The following ANGPT1 variants were observed in gnomAD, a reference collection of about 807,000 sequenced individuals.
ANGPT1 encodes angiopoietin 1.
Under a neutral mutation model 62.2 loss-of-function variants are expected in ANGPT1, and 17 were observed. The observed-to-expected ratio is 0.27, with a 90% confidence interval of 0.19 to 0.41. The LOEUF (loss-of-function observed/expected upper bound fraction) is 0.41. ANGPT1 is among the 10% of genes least tolerant of loss of function. The pLI is 1.00. For missense variants in ANGPT1, 478 were observed against 594.9 expected (o/e 0.80, Z 2.04); for synonymous variants, 199 against 198.9 (o/e 1.00, Z 0.00).
rs115101185 is a variant in ANGPT1, at chr8:107,493,196, G to A, written c.297+4066C>T. On this transcript the variant is annotated intron_variant, in intron 1 of 8. Coordinates refer to ENST00000517746, the MANE Select transcript of ANGPT1 (RefSeq NM_001146.5). The stretch of plus-strand genomic sequence containing the variant: ...TTCAGAGGTATAAAAATGGATAAGC[G>A]ACATTTACTACACTTGAGGAACTCA... Among the ~76,000 whole-genome samples, 940 of 150,356 alleles carry A rather than the reference G, an allele frequency of 6.3e-3. 55 individuals are homozygous for A. The highest frequency in any genetic ancestry group is 0.022 in the African/African-American group (893 of 40,874).
At chr8:107,342,470 G>T (rs1171889608) in intron 2 of ANGPT1, among the ~76,000 whole-genome samples, 1 of 152,094 alleles carries the variant, frequency 6.6e-6, no homozygotes, top group African/African-American at 2.4e-5. Flanking sequence ...GGCTTGGTGG[G>T]CCAAATGGTC....
chr8:107,303,475 C>T lies in ANGPT1; in HGVS notation c.809-108G>A, dbSNP rs1814643651. ...GTCTTCATTTCCTCCACACAAATGT[C>T]AATATCGCACATAGTAAAAAGTCAA... is the stretch of plus-strand genomic sequence containing the variant. On this transcript the variant is annotated intron_variant, in intron 4 of 8. Transcript: ENST00000517746. 4 of 876,374 alleles carry T rather than the reference C, an allele frequency of 4.6e-6. No individual in the cohort carries two copies. In the African/African-American group the frequency reaches 7.0e-5, roughly 15 times the overall value. 54.3% of individuals were successfully genotyped at this position (876,374 alleles called of 1,614,324 possible). A position where few individuals can be genotyped will look rare whatever the true frequency, so the allele number is the denominator to read the frequency against.
intron 1 of ANGPT1, among the ~76,000 whole-genome samples, chr8:107,372,904 C>A (rs1317082450): frequency 2.0e-5 from 3 of 151,756 alleles, no homozygotes; most frequent in Admixed American, 2.0e-4. Flanking sequence ...AGGTAAGGCT[C>A]AATTTCTCTG....
intron 1 of ANGPT1, among the ~76,000 whole-genome samples, chr8:107,463,374 C>T (rs1020703563): frequency 6.6e-6 from 1 of 152,082 alleles, no homozygotes; most frequent in African/African-American, 2.4e-5. Flanking sequence ...TGCCCAAATT[C>T]CTGAACCACA....
intron 3 of ANGPT1, among the ~76,000 whole-genome samples, chr8:107,335,326 C>T (rs1197633824): frequency 3.3e-5 from 5 of 152,198 alleles, no homozygotes; most frequent in African/African-American, 9.7e-5. Flanking sequence ...CTATCAATAC[C>T]ATGGTCTTCA....
At chr8:107,382,077 C>T (rs766838770) in intron 1 of ANGPT1, among the ~76,000 whole-genome samples, 2 of 152,098 alleles carry the variant, frequency 1.3e-5, no homozygotes, top group Admixed American at 6.6e-5. Flanking sequence ...TCTGAATTAA[C>T]CCAAACAATA....
intron 7 of ANGPT1, among the ~76,000 whole-genome samples, chr8:107,278,684 C>A (rs1482888044): frequency 6.6e-6 from 1 of 152,208 alleles, no homozygotes; most frequent in Non-Finnish European, 1.5e-5. Flanking sequence ...AGATGCCTGA[C>A]AGTTTCTACA....
chr8:107,264,458 T>C, intron 7 of ANGPT1, 107 bp from the exon 8 acceptor site: 2 of 1,379,810 alleles, frequency 1.4e-6, no homozygotes, highest in Non-Finnish European at 1.9e-6. Flanking sequence ...TCTTCTTTCT[T>C]TGAACTCAGC....
chr8:107,269,939 A>T (rs1813700865), intron 7 of ANGPT1, among the ~76,000 whole-genome samples: 1 of 152,064 alleles, frequency 6.6e-6, no homozygotes, highest in Non-Finnish European at 1.5e-5. Flanking sequence ...TTCTCTAGTC[A>T]TCTTTGATAA....
intron 1 of ANGPT1, among the ~76,000 whole-genome samples, chr8:107,460,630 A>T (rs1812045244): frequency 6.6e-6 from 1 of 152,202 alleles, no homozygotes; most frequent in South Asian, 2.1e-4. Flanking sequence ...TGCAACAAAC[A>T]CACACAAATA....
chr8:107,300,734 T>G (rs1814567060), intron 5 of ANGPT1, among the ~76,000 whole-genome samples: 1 of 151,940 alleles, frequency 6.6e-6, no homozygotes, highest in African/African-American at 2.4e-5. Context: ...AGAAGTTAAT[T>G]CAGTAGGTAC....
chr8:107,364,038 ATACTACAGGCTGGCCATAAAG>A (rs1179988007), intron 1 of ANGPT1, among the ~76,000 whole-genome samples: 2 of 152,264 alleles, frequency 1.3e-5, no homozygotes, highest in East Asian at 3.9e-4. Flanking sequence ...GTACATCTAT[ATACTACAGGCTGGCCATAAAG>A]TCTATAGGTA....
chr8:107,272,127 C>T (rs967256168), intron 7 of ANGPT1, among the ~76,000 whole-genome samples: 10 of 151,924 alleles, frequency 6.6e-5, no homozygotes, highest in African/African-American at 2.4e-4. Context: ...GTTTCAGAAG[C>T]TACAGATGTC....
chr8:107,422,002 C>A (rs1311854862), intron 1 of ANGPT1, among the ~76,000 whole-genome samples: 4 of 152,054 alleles, frequency 2.6e-5, no homozygotes, highest in African/African-American at 9.7e-5. Context: ...ATGTTAAACA[C>A]CTTTTAGAAC....
Position 107,251,637 on chromosome 8 carries a change from A to G in ANGPT1, c.*218T>C, listed in dbSNP as rs1813249899. 2 of 508,422 alleles carry G rather than the reference A, an allele frequency of 3.9e-6. No individual in the cohort carries two copies. Among genetic ancestry groups the G allele is most frequent in the Middle Eastern group, 5.4e-4 (1 of 1,868 alleles). 31.5% of individuals were successfully genotyped at this position (508,422 alleles called of 1,614,324 possible). ...CCCGACAGTCAGTGGAGTTTTCTAT[A>G]GTCGAGCCACGTGAGCACTGTCACC... On this transcript the variant is annotated 3_prime_UTR_variant, in exon 9 of 9. Coordinates refer to ENST00000517746, the MANE Select transcript of ANGPT1 (RefSeq NM_001146.5).
At chr8:107,481,554 A>AT (rs1812687001) in intron 1 of ANGPT1, among the ~76,000 whole-genome samples, 1 of 148,680 alleles carries the variant, frequency 6.7e-6, no homozygotes, top group Admixed American at 6.7e-5. Flanking sequence ...AAAAAAAAAA[A>AT]AAGGAAGAAG....
At chr8:107,270,424 G>A (rs766174147) in intron 7 of ANGPT1, among the ~76,000 whole-genome samples, 32 of 152,026 alleles carry the variant, frequency 2.1e-4, no homozygotes, top group Non-Finnish European at 4.0e-4. Context: ...CAATTACTAA[G>A]AAATTCAAAA....
chr8:107,332,941 G>A (rs573453807), intron 3 of ANGPT1, among the ~76,000 whole-genome samples: 7 of 152,250 alleles, frequency 4.6e-5, no homozygotes, highest in Admixed American at 1.3e-4. Flanking sequence ...AGTGGTAATC[G>A]ATAAACTATT....
At chr8:107,257,031 A>T (rs1002399755) in intron 8 of ANGPT1, among the ~76,000 whole-genome samples, 2 of 151,066 alleles carry the variant, frequency 1.3e-5, no homozygotes, top group African/African-American at 4.9e-5. Flanking sequence ...TAATTTTTGT[A>T]TTTTTTTTAG....
Sources: gnomAD v4.1 joint callset for allele counts (sites outside exome capture counted in the v4.1 genomes callset) on GRCh38, gnomAD v4.1.1 for gene constraint, MANE v1.5 for transcripts, NCBI Gene and HGNC (gene_info 2026-07-23, HGNC 2026-07-21) for gene names.